The following GRAMD4 variants were observed in gnomAD, a reference collection of about 807,000 sequenced individuals.
GRAMD4 encodes the protein GRAM domain containing 4.
A neutral mutation model predicts 83.9 loss-of-function variants in GRAMD4; 25 were observed. That is an observed-to-expected ratio of 0.30 (90% CI 0.22 to 0.42). The LOEUF is 0.42. Ranked by LOEUF, GRAMD4 falls within the 10% of genes least tolerant of loss-of-function variation. The pLI, the probability that GRAMD4 is intolerant of heterozygous loss-of-function variation, is 1.00. For synonymous variants in GRAMD4, 336 were observed against 320.9 expected (o/e 1.05, Z -0.50); for missense variants, 593 against 788.7 (o/e 0.75, Z 2.97).
upstream of GRAMD4, among the ~76,000 whole-genome samples, chr22:46,616,226 A>C (rs1438924110): frequency 3.0e-5 from 1 of 33,856 alleles, no homozygotes; most frequent in Non-Finnish European, 5.4e-5. Context: ...CTGTGCGTGT[A>C]GGTTCCCCTG....
intron 1 of GRAMD4, among the ~76,000 whole-genome samples, chr22:46,580,273 C>A (rs144554786): frequency 6.6e-6 from 1 of 152,202 alleles, no homozygotes; most frequent in African/African-American, 2.4e-5. Flanking sequence ...TGGGCGCCTC[C>A]GAGGCCAAGT....
Position 46,621,151 on chromosome 22 carries a change from G to A in GRAMD4, c.-50+586G>A, listed in dbSNP as rs555649062. 1.5e-4 allele frequency among the ~76,000 whole-genome samples: 23 copies of A among 152,288 alleles called. No homozygotes were observed. The highest frequency in any genetic ancestry group is 4.3e-4 in the African/African-American group (18 of 41,558). On this transcript the variant is annotated intron_variant, in intron 1 of 18. Coordinates refer to ENST00000406902, the MANE Select transcript of GRAMD4 (RefSeq NM_015124.5). The surrounding 1 kb of genome is among the most constrained non-coding windows in gnomAD (Gnocchi z 5.8). ...GGTTGGGGATGCGCGGCTGCAGCAC[G>A]CAGGACGGAAGGTGCAGGTGAGACG...
At position 46,674,719 on chromosome 22, in the gene GRAMD4, A is replaced by G; in HGVS notation, c.1447A>G (p.Ile483Val). ...NRDRKMPTDY[I>V]RNGVLYVTEN... is the part of the protein sequence containing the mutation. ...GGACCGGAAGATGCCCACGGACTACATCAGGAACGGGGTGCTCTACGTCAC... is the reference window on the plus strand; with the variant it reads ...GGACCGGAAGATGCCCACGGACTACGTCAGGAACGGGGTGCTCTACGTCAC... Residue 483 changes from isoleucine to valine, a missense_variant, in exon 16 of 19, where the codon ATC (isoleucine) becomes GTC (valine). Transcript: ENST00000406902. 1 of 1,612,526 alleles carries G rather than the reference A, an allele frequency of 6.2e-7. No individual in the cohort carries two copies. The highest frequency in any genetic ancestry group is 8.5e-7 in the Non-Finnish European group (1 of 1,179,212).
downstream of GRAMD4, chr22:46,682,551 C>T (rs990207653): frequency 7.1e-6 from 3 of 425,290 alleles, no homozygotes; most frequent in African/African-American, 4.3e-5. Flanking sequence ...CGCCCAGTGA[C>T]GGCCACTCCT....
Position 46,672,925 on chromosome 22 carries a change from C to A in GRAMD4, c.1167C>A (p.Pro389=). Reference sequence around the variant, plus strand: ...GGCTGCGCGCCAAGTACGACACGCCCTATATCATCTGGAGGAGTCTCCCCA... The same window carrying A: ...GGCTGCGCGCCAAGTACGACACGCCATATATCATCTGGAGGAGTCTCCCCA... ...CPRLRAKYDT[P]YIIWRSLPTD... The change falls in exon 14 of 19, where the codon CCC becomes CCA. Residue 389 remains proline, a synonymous_variant. Coordinates refer to ENST00000406902, the MANE Select transcript of GRAMD4 (RefSeq NM_015124.5). The surrounding 1 kb of genome is among the most constrained non-coding windows in gnomAD (Gnocchi z 4.7). 6.2e-7 allele frequency: 1 copy of A among 1,611,816 alleles called. No homozygotes were observed. Among genetic ancestry groups the A allele is most frequent in the Non-Finnish European group, 8.5e-7 (1 of 1,179,512 alleles).
chr22:46,641,639 C>A (rs576154189), intron 3 of GRAMD4, among the ~76,000 whole-genome samples: 56 of 152,266 alleles, frequency 3.7e-4, no homozygotes, highest in Middle Eastern at 3.4e-3. Context: ...ATGGTCCATA[C>A]CCTGTGCTTC....
chr22:46,649,937 C>T (rs1025035807), intron 3 of GRAMD4, among the ~76,000 whole-genome samples: 5 of 152,098 alleles, frequency 3.3e-5, no homozygotes, highest in East Asian at 3.9e-4. Flanking sequence ...CCTGGTGATT[C>T]GATGGAGGGA....
At chr22:46,652,867 T>A (rs972598063) in intron 3 of GRAMD4, among the ~76,000 whole-genome samples, 3 of 152,232 alleles carry the variant, frequency 2.0e-5, no homozygotes, top group African/African-American at 7.2e-5. Flanking sequence ...GATGGGGGAT[T>A]TGCATCTCCT....
upstream of GRAMD4, chr22:46,620,226 G>A (rs2081553864): frequency 1.3e-6 from 1 of 780,922 alleles, no homozygotes; most frequent in African/African-American, 1.9e-5. The surrounding 1 kb of genome is among the most constrained non-coding windows in gnomAD (Gnocchi z 4.7). Context: ...AAGCAATTCA[G>A]CGGTTTCCAG....
chr22:46,682,394 A>C (rs1254493651), downstream of GRAMD4: 1 of 983,006 alleles, frequency 1.0e-6, no homozygotes, highest in Non-Finnish European at 1.2e-6. Context: ...GATGACAGAA[A>C]ACCCCGAAAT....
chr22:46,639,570 G>T (rs1456621689), intron 3 of GRAMD4, among the ~76,000 whole-genome samples: 1 of 151,234 alleles, frequency 6.6e-6, no homozygotes, highest in Non-Finnish European at 1.5e-5. Flanking sequence ...CTCTGTGTGT[G>T]TGCGTGTGGC....
At chr22:46,628,938 C>T (rs1422980346) in intron 2 of GRAMD4, among the ~76,000 whole-genome samples, 1 of 151,890 alleles carries the variant, frequency 6.6e-6, no homozygotes, top group South Asian at 2.1e-4. Context: ...TGGACCAGCT[C>T]TGGTGGGCAG....
At chr22:46,591,420 G>A (rs1051160086) in intron 1 of GRAMD4, among the ~76,000 whole-genome samples, 7 of 152,234 alleles carry the variant, frequency 4.6e-5, no homozygotes, top group African/African-American at 1.7e-4. Flanking sequence ...GGAGGCTGAG[G>A]TGGGAGTTGG....
At chr22:46,644,985 A>C (rs2082053550) in intron 3 of GRAMD4, among the ~76,000 whole-genome samples, 1 of 128,952 alleles carries the variant, frequency 7.8e-6, no homozygotes, top group Non-Finnish European at 1.5e-5. Context: ...CCTGGACTCA[A>C]GCCATCCATC....
intron 9 of GRAMD4, among the ~76,000 whole-genome samples, chr22:46,666,131 C>A (rs575082657): frequency 1.9e-4 from 29 of 152,314 alleles, no homozygotes; most frequent in African/African-American, 6.7e-4. Context: ...GACAGCACGC[C>A]CGTGTGACTG....
Position 46,672,826 on chromosome 22 carries a change from G to C in GRAMD4, c.1085-17G>C, listed in dbSNP as rs781170407. 3 of 1,601,310 alleles carry C rather than the reference G, an allele frequency of 1.9e-6. No individual in the cohort carries two copies. The highest frequency in any genetic ancestry group is 2.7e-5 in the African/African-American group (2 of 74,692). Reference sequence around the variant, plus strand: ...TGCAGAGCTCTAGATGGAGCAGGCTGTGTCCCCTGCCCTCAGGACTCTATG... The same window carrying C: ...TGCAGAGCTCTAGATGGAGCAGGCTCTGTCCCCTGCCCTCAGGACTCTATG... On this transcript the variant is annotated splice_polypyrimidine_tract_variant and intron_variant, in intron 13 of 18. Coordinates refer to ENST00000406902, the MANE Select transcript of GRAMD4 (RefSeq NM_015124.5). The surrounding 1 kb of genome is among the most constrained non-coding windows in gnomAD (Gnocchi z 4.7).
At chr22:46,618,427 G>A (rs1475296696), upstream of GRAMD4, among the ~76,000 whole-genome samples, 1 of 152,204 alleles carries the variant, frequency 6.6e-6, no homozygotes, top group African/African-American at 2.4e-5. This position sits in a 1 kb window ranked among gnomAD's most constrained non-coding sequence, Gnocchi z 5.8. Flanking sequence ...AATGAGCGAC[G>A]TCCCGGAGCC....
intron 2 of GRAMD4, among the ~76,000 whole-genome samples, chr22:46,627,403 C>T (rs565313688): frequency 2.6e-5 from 4 of 152,266 alleles, no homozygotes; most frequent in Non-Finnish European, 5.9e-5. Context: ...TCATCAGCCA[C>T]GCGGAATCAG....
Position 46,668,084 on chromosome 22 carries a change from C to G in GRAMD4, c.859-12C>G. On this transcript the variant is annotated splice_polypyrimidine_tract_variant and intron_variant, in intron 10 of 18. Coordinates refer to ENST00000406902, the MANE Select transcript of GRAMD4 (RefSeq NM_015124.5). Reference sequence around the variant, plus strand: ...ATTTCAGTGGAAAATTCTCTTTCCCCTTTTACTGAAGGAACCTCCAAAGGA... The same window carrying G: ...ATTTCAGTGGAAAATTCTCTTTCCCGTTTTACTGAAGGAACCTCCAAAGGA... 4 of 1,589,938 alleles carry G rather than the reference C, an allele frequency of 2.5e-6. No individual in the cohort carries two copies. The highest frequency in any genetic ancestry group is 3.4e-6 in the Non-Finnish European group (4 of 1,159,494).
Sources: gnomAD v4.1 joint callset for allele counts (sites outside exome capture counted in the v4.1 genomes callset) on GRCh38, gnomAD v4.1.1 for gene constraint, Gnocchi (gnomAD v3.1) non-coding constraint, MANE v1.5 for transcripts, NCBI Gene and HGNC (gene_info 2026-07-23, HGNC 2026-07-21) for gene names.